SUN3: variants seen among roughly 807,000 people sequenced by gnomAD.
SUN3 encodes SUN domain-containing protein 3.
SUN3 carries 36 observed loss-of-function variants against 48.2 expected under a neutral mutation model. The observed-to-expected ratio is 0.75, with a 90% CI of 0.57 to 0.99. The LOEUF (loss-of-function observed/expected upper bound fraction) is 0.99, where lower values mean the gene tolerates loss of function less well. SUN3 is among the 50% of genes least tolerant of loss of function. SUN3 has a pLI of 0.00. For missense variants in SUN3, 419 were observed against 433.1 expected, an observed-to-expected ratio of 0.97 and a Z score of 0.29; for synonymous variants, 148 against 147.9, an observed-to-expected ratio of 1.00 and a Z score of 0.00.
chr7:48,013,847 T>C (rs1789742343), intron 3 of SUN3, among the ~76,000 whole-genome samples: 1 of 152,230 alleles, frequency 6.6e-6, no homozygotes, highest in Non-Finnish European at 1.5e-5. Flanking sequence ...CAGTCTCCAG[T>C]GGTTTCTGAC....
chr7:47,994,357 C>T lies in SUN3; in HGVS notation c.819G>A (p.Pro273=), dbSNP rs138815958. 79 of 1,613,586 alleles carry T rather than the reference C, an allele frequency of 4.9e-5. No individual in the cohort carries two copies. Among genetic ancestry groups the T allele is most frequent in the African/African-American group, 2.5e-4 (19 of 75,006 alleles). Residue 273 remains proline (P), a synonymous_variant, in exon 8 of 10, where the codon CCG becomes CCA. Transcript: ENST00000297325. ...TMEHISEKVS[P]SGNISSAPKE... ...TGGGTGCACTGGAGATGTTTCCTGACGGAGACACCTTCTCTGAGATGTGCT... is the reference window on the plus strand; with the variant it reads ...TGGGTGCACTGGAGATGTTTCCTGATGGAGACACCTTCTCTGAGATGTGCT...
chr7:48,019,976 T>TA (rs1789941202), intron 2 of SUN3, among the ~76,000 whole-genome samples: 1 of 20,148 alleles, frequency 5.0e-5, no homozygotes, highest in African/African-American at 2.3e-4. Flanking sequence ...CAAAGACACA[T>TA]CAAAAAAAAA....
intron 3 of SUN3, among the ~76,000 whole-genome samples, chr7:48,009,447 G>A (rs944436654): frequency 1.3e-5 from 2 of 152,108 alleles, no homozygotes; most frequent in Admixed American, 6.5e-5. Flanking sequence ...CGGGAGAGGC[G>A]CCCCTGGTGG....
intron 3 of SUN3, among the ~76,000 whole-genome samples, chr7:48,012,952 A>G (rs1314427885): frequency 1.3e-5 from 2 of 152,196 alleles, no homozygotes; most frequent in African/African-American, 4.8e-5. Context: ...TAAACATAGA[A>G]TGCACATGCC....
intron 2 of SUN3, among the ~76,000 whole-genome samples, chr7:48,023,226 G>T (rs984895033): frequency 2.9e-4 from 44 of 152,184 alleles, no homozygotes; most frequent in Middle Eastern, 3.4e-3. Context: ...GTGTAAAGAT[G>T]TAATTTTTGA....
chr7:47,994,817 G>C (rs1486531233), intron 7 of SUN3, among the ~76,000 whole-genome samples: 1 of 151,986 alleles, frequency 6.6e-6, no homozygotes, highest in Non-Finnish European at 1.5e-5. Flanking sequence ...GGTGATGATG[G>C]TGGTAATAAT....
rs774145397 is a variant in SUN3, at chr7:47,994,423, G to C, written c.753C>G (p.Ile251Met). 6 of 1,613,136 alleles carry C rather than the reference G, an allele frequency of 3.7e-6. No homozygotes were observed. The highest frequency in any genetic ancestry group is 1.3e-5 in the African/African-American group (1 of 74,994). ...TTGGTATGATCTTTGTAGCAAGCTT[G>C]ATTAGGGTATGACCCTGGGAACCTG... ...AFPGSQGHTL[I>M]KLATKIIPTA... Residue 251 changes from isoleucine to methionine, a missense_variant, in exon 8 of 10, where the codon ATC (isoleucine) becomes ATG (methionine). Ile to Met is a conservative substitution (Grantham distance 10). Transcript: ENST00000297325.
chr7:47,993,721 A>G (rs891338121), intron 8 of SUN3, among the ~76,000 whole-genome samples: 2 of 152,154 alleles, frequency 1.3e-5, no homozygotes, highest in African/African-American at 2.4e-5. Context: ...GGTAAGAAAA[A>G]TGTTCTAAAA....
intron 8 of SUN3, 65 bp downstream of exon 8, chr7:47,994,250 C>T (rs1251413722): frequency 2.6e-6 from 4 of 1,542,676 alleles, no homozygotes; most frequent in Non-Finnish European, 3.6e-6. Flanking sequence ...GAGGACAGCC[C>T]CTAATTCCTA....
chr7:48,026,596 A>G lies in SUN3; in HGVS notation c.123-658T>C, dbSNP rs569780960. Reference sequence around the variant, plus strand: ...CCCACCCCCCAACACACACACACACACACACACACACACACATTCATTTGT... The same window carrying G: ...CCCACCCCCCAACACACACACACACGCACACACACACACACATTCATTTGT... On this transcript the variant is annotated intron_variant, in intron 1 of 9. Transcript: ENST00000297325. Among the ~76,000 whole-genome samples, 4 of 151,912 alleles carry G rather than the reference A, an allele frequency of 2.6e-5. No individual in the cohort carries two copies. The South Asian group carries it at 8.3e-4, about 32-fold the overall frequency.
intron 6 of SUN3, among the ~76,000 whole-genome samples, chr7:47,999,814 C>T (rs1311803878): frequency 2.0e-5 from 3 of 152,204 alleles, no homozygotes; most frequent in African/African-American, 4.8e-5. Flanking sequence ...GGATTATAGG[C>T]GTGAGCCACT....
chr7:48,009,817 A>G (rs535192540), intron 3 of SUN3, among the ~76,000 whole-genome samples: 3 of 152,314 alleles, frequency 2.0e-5, no homozygotes, highest in Non-Finnish European at 2.9e-5. Context: ...GAGTGCAGGC[A>G]GCACTCTGGT....
intron 4 of SUN3, among the ~76,000 whole-genome samples, chr7:48,008,749 A>G (rs74523246): frequency 0.029 from 4,419 of 152,306 alleles, 210 homozygotes; most frequent in African/African-American, 0.1. Flanking sequence ...CAATAAATGT[A>G]CTATTTTTAA....
chr7:48,032,279 C>T (rs76136065), upstream of SUN3, among the ~76,000 whole-genome samples: 32 of 152,296 alleles, frequency 2.1e-4, no homozygotes, highest in Admixed American at 1.5e-3. Flanking sequence ...ACCCCACATA[C>T]GCATACACAA....
chr7:48,009,949 C>T (rs529774524), intron 3 of SUN3, among the ~76,000 whole-genome samples: 1 of 152,202 alleles, frequency 6.6e-6, no homozygotes, highest in East Asian at 1.9e-4. Context: ...TGTCCCTTAG[C>T]TCATCCTGCT....
intron 8 of SUN3, among the ~76,000 whole-genome samples, chr7:47,989,584 T>C (rs1788995025): frequency 6.6e-6 from 1 of 152,208 alleles, no homozygotes; most frequent in Admixed American, 6.5e-5. Flanking sequence ...CATTAAATCA[T>C]TTTATAATAA....
Position 48,019,767 on chromosome 7 carries a change from G to T in SUN3, c.185-2402C>A, listed in dbSNP as rs376861974. Among the ~76,000 whole-genome samples the T allele has an allele frequency of 7.2e-5, 11 of 151,886 alleles. 1 individual carries two copies. The highest frequency in any genetic ancestry group is 2.7e-4 in the African/African-American group (11 of 41,474). On this transcript the variant is annotated intron_variant, in intron 2 of 9. Transcript: ENST00000297325. Reference sequence around the variant, plus strand: ...CAAAACCTGAACAGACCAATAAAAAGTAATGAGATCGAAGCCATAATAAAA... The same window carrying T: ...CAAAACCTGAACAGACCAATAAAAATTAATGAGATCGAAGCCATAATAAAA...
intron 3 of SUN3, among the ~76,000 whole-genome samples, chr7:48,010,855 A>T (rs1789663821): frequency 6.6e-6 from 1 of 152,208 alleles, no homozygotes; most frequent in South Asian, 2.1e-4. Context: ...GTGTAAGGTC[A>T]ACGTGTCCAC....
At chr7:47,987,776 T>A (rs757708490) in intron 9 of SUN3, among the ~76,000 whole-genome samples, 5 of 152,178 alleles carry the variant, frequency 3.3e-5, no homozygotes, top group Admixed American at 1.3e-4. Flanking sequence ...TCAAATGATT[T>A]ACCTGCCTAG....
Sources: gnomAD v4.1 joint callset for allele counts (sites outside exome capture counted in the v4.1 genomes callset) on GRCh38, gnomAD v4.1.1 for gene constraint, MANE v1.5 for transcripts, NCBI Gene and HGNC (gene_info 2026-07-23, HGNC 2026-07-21) for gene names.